Variants in SIM2 observed in about 807,000 individuals in gnomAD.
The protein encoded by SIM2 is SIM bHLH transcription factor 2.
A neutral mutation model predicts 64.8 loss-of-function variants in SIM2; 28 were observed. The ratio of observed to expected loss-of-function variants is 0.43; its 90% confidence interval spans 0.32 to 0.59. SIM2 has a LOEUF of 0.59. Ranked by LOEUF, SIM2 falls within the 20% of genes least tolerant of loss-of-function variation. The pLI, the probability that SIM2 is intolerant of heterozygous loss-of-function variation, is 0.07. For missense variants in SIM2, 847 were observed against 871.4 expected (o/e 0.97, Z 0.35); for synonymous variants, 408 against 391.1 (o/e 1.04, Z -0.51).
chr21:36,745,770 G>A lies in SIM2; in HGVS notation c.1576+634G>A, dbSNP rs1352064697. The stretch of plus-strand genomic sequence containing the variant: ...CATGCTAGTTCAACAGAAAGGAATG[G>A]CCTTTCACCTTCTCCTGGTGGCAGG... On this transcript the variant is annotated intron_variant, in intron 10 of 10. Transcript: ENST00000290399. This position sits in a 1 kb window ranked among gnomAD's most constrained non-coding sequence, Gnocchi z 4.8. The A allele has an allele frequency of 3.8e-6, 5 of 1,302,946 alleles. 1 individual carries two copies. In the South Asian group the frequency reaches 4.9e-5, roughly 13 times the overall value. 80.7% of individuals were successfully genotyped at this position (1,302,946 alleles called of 1,614,324 possible).
Position 36,726,395 on chromosome 21 carries a change from C to A in SIM2, c.743+77C>A. ...GTGGAAATGGGTCCCTGAAAGCTGC[C>A]ATCTTGGCCAAATCATAACAAGGAA... On this transcript the variant is annotated intron_variant, in intron 6 of 10. Coordinates refer to ENST00000290399, the MANE Select transcript of SIM2 (RefSeq NM_005069.6). The surrounding 1 kb of genome is among the most constrained non-coding windows in gnomAD (Gnocchi z 4.5). 1.6e-6 allele frequency: 2 copies of A among 1,285,010 alleles called. No homozygotes were observed. The highest frequency in any genetic ancestry group is 2.2e-6 in the Non-Finnish European group (2 of 916,314). The allele number at this position is 1,285,010 out of a possible 1,614,324, so 79.6% of individuals were successfully genotyped here.
chr21:36,734,718 C>G (rs1046340941), intron 7 of SIM2, among the ~76,000 whole-genome samples: 1 of 152,224 alleles, frequency 6.6e-6, no homozygotes, highest in Non-Finnish European at 1.5e-5. Flanking sequence ...ATGTCACACG[C>G]CTCTCCAAAG....
rs1323862781 is a variant in SIM2, at chr21:36,699,770, G to T, written c.24G>T (p.Ala8=). 1 of 1,612,892 alleles carries T rather than the reference G, an allele frequency of 6.2e-7. No individual in the cohort carries two copies. Among genetic ancestry groups the T allele is most frequent in the Middle Eastern group, 1.7e-4 (1 of 6,058 alleles). ...CGATGAAGGAGAAGTCCAAGAATGC[G>T]GCCAAGACCAGGAGGGAGAAGGAAA... The part of the protein sequence containing the change: MKEKSKN[A]AKTRREKENG... The change falls in exon 1 of 11, where the codon GCG becomes GCT. Residue 8 remains alanine (A), a synonymous_variant. Transcript: ENST00000290399. The surrounding 1 kb of genome is among the most constrained non-coding windows in gnomAD (Gnocchi z 5.6).
intron 7 of SIM2, among the ~76,000 whole-genome samples, chr21:36,738,474 C>T (rs2089105101): frequency 6.6e-6 from 1 of 152,196 alleles, no homozygotes; most frequent in Non-Finnish European, 1.5e-5. Context: ...CACTGCACTC[C>T]AGCCTGGGTG....
rs746744411 is a variant in SIM2 at position 36,709,298 on chromosome 21, T to C, written c.258+48T>C. ...GGAGCGCAGCCGCCGCAGGCTCCCT[T>C]CCCACCCCGCCACCCCAGCCTCCAG... On this transcript the variant is annotated intron_variant, in intron 2 of 10. Transcript: ENST00000290399. The C allele has an allele frequency of 2.8e-6, 4 of 1,447,440 alleles. No individual in the cohort carries two copies. The African/African-American group carries it at 5.6e-5, about 20-fold the overall frequency. 89.7% of individuals were successfully genotyped at this position (1,447,440 alleles called of 1,614,324 possible). A position where few individuals can be genotyped will look rare whatever the true frequency, so the allele number is the denominator to read the frequency against.
intron 7 of SIM2, among the ~76,000 whole-genome samples, chr21:36,737,225 G>A (rs992689348): frequency 2.6e-5 from 4 of 152,120 alleles, no homozygotes; most frequent in East Asian, 1.9e-4. Flanking sequence ...CACCATACCC[G>A]GCCCCAGAAC....
chr21:36,701,058 C>G (rs2088487043), intron 1 of SIM2, among the ~76,000 whole-genome samples: 1 of 152,218 alleles, frequency 6.6e-6, no homozygotes, highest in African/African-American at 2.4e-5. Flanking sequence ...GCCTCTGCTC[C>G]CAGCGGGGTC....
chr21:36,715,904 G>GT (rs11330310), intron 3 of SIM2, among the ~76,000 whole-genome samples: 478 of 149,142 alleles, frequency 3.2e-3, no homozygotes, highest in African/African-American at 9.5e-3. Context: ...TAAAATTTTA[G>GT]TTTTTTTTTT....
intron 7 of SIM2, among the ~76,000 whole-genome samples, chr21:36,731,685 G>A (rs2088970586): frequency 6.6e-6 from 1 of 152,100 alleles, no homozygotes; most frequent in African/African-American, 2.4e-5. Flanking sequence ...GCCTCCGACT[G>A]CTATACCCCA....
chr21:36,733,114 G>A (rs919529715), intron 7 of SIM2, among the ~76,000 whole-genome samples: 1 of 152,228 alleles, frequency 6.6e-6, no homozygotes, highest in African/African-American at 2.4e-5. Context: ...GAATGCTGGG[G>A]AGTTTAAAGC....
intron 7 of SIM2, among the ~76,000 whole-genome samples, chr21:36,732,680 T>C (rs2088987001): frequency 2.0e-5 from 3 of 152,240 alleles, no homozygotes. Context: ...GACCAAATCA[T>C]GATCTCATAA....
At chr21:36,722,668 GC>G (rs2123456842) in intron 4 of SIM2, among the ~76,000 whole-genome samples, 1 of 152,224 alleles carries the variant, frequency 6.6e-6, no homozygotes, top group East Asian at 1.9e-4. Flanking sequence ...GCATGGATCT[GC>G]CAAGCCTTGG....
rs563531929 is a variant in SIM2, at chr21:36,740,491, A to C, written c.851-1226A>C. 6.6e-5 allele frequency among the ~76,000 whole-genome samples: 10 copies of C among 152,214 alleles called. No homozygotes were observed. The South Asian group carries it at 2.1e-3, about 32-fold the overall frequency. Reference sequence around the variant, plus strand: ...CTTTTAGGGTCTTTGTGTTTTTATCAATCTGTACGAACCCCCTATATATTA... The same window carrying C: ...CTTTTAGGGTCTTTGTGTTTTTATCCATCTGTACGAACCCCCTATATATTA... On this transcript the variant is annotated intron_variant, in intron 7 of 10. Transcript: ENST00000290399.
chr21:36,709,351 G>T, intron 2 of SIM2, 101 bp downstream of exon 2: 1 of 974,956 alleles, frequency 1.0e-6, no homozygotes, highest in Middle Eastern at 2.0e-4. Flanking sequence ...GCGCCAGGCA[G>T]ATCCAGAGGC....
chr21:36,723,070 T>C lies in SIM2; in HGVS notation c.483T>C (p.Phe161=). 1 of 1,614,116 alleles carries C rather than the reference T, an allele frequency of 6.2e-7. No homozygotes were observed. The highest frequency in any genetic ancestry group is 8.5e-7 in the Non-Finnish European group (1 of 1,180,020). Residue 161 remains phenylalanine, a synonymous_variant, in exon 5 of 11, where the codon TTT becomes TTC. Transcript: ENST00000290399. The stretch of plus-strand genomic sequence containing the variant: ...AGTATGAGATAGAGAGGTCGTTCTT[T>C]CTTCGAATGAAATGTGTCTTGGCGA... The part of the protein sequence containing the change: ...LQEYEIERSF[F]LRMKCVLAKR...
At chr21:36,737,961 C>CAAA (rs61252184) in intron 7 of SIM2, among the ~76,000 whole-genome samples, 424 of 34,074 alleles carry the variant, frequency 0.012, 35 homozygotes, top group Middle Eastern at 0.033. Flanking sequence ...GACCCTGTCT[C>CAAA]AAAAAAAAAA....
intron 7 of SIM2, among the ~76,000 whole-genome samples, chr21:36,741,275 C>G (rs1400216206): frequency 6.6e-6 from 1 of 152,254 alleles, no homozygotes; most frequent in Non-Finnish European, 1.5e-5. Context: ...CAGCTTGACA[C>G]TTGGTTGAAT....
At chr21:36,738,190 C>T (rs951129460) in intron 7 of SIM2, among the ~76,000 whole-genome samples, 11 of 151,886 alleles carry the variant, frequency 7.2e-5, no homozygotes, top group South Asian at 6.2e-4. Context: ...CACCCCCATA[C>T]GTATTATTCA....
Position 36,726,080 on chromosome 21 carries a change from C to G in SIM2, c.544-39C>G, listed in dbSNP as rs1450908570. On this transcript the variant is annotated intron_variant, in intron 5 of 10. Transcript: ENST00000290399. The surrounding 1 kb of genome is among the most constrained non-coding windows in gnomAD (Gnocchi z 4.5). Reference sequence around the variant, plus strand: ...AGGAGGAGTGGGCTCCAGCCCAACCCCAGTGGCCAGTGGCTGACCCTGCCC... The same window carrying G: ...AGGAGGAGTGGGCTCCAGCCCAACCGCAGTGGCCAGTGGCTGACCCTGCCC... 6.4e-7 allele frequency: 1 copy of G among 1,566,310 alleles called. No homozygotes were observed. The highest frequency in any genetic ancestry group is 8.8e-7 in the Non-Finnish European group (1 of 1,142,258).
Sources: gnomAD v4.1 joint callset for allele counts (sites outside exome capture counted in the v4.1 genomes callset) on GRCh38, gnomAD v4.1.1 for gene constraint, Gnocchi (gnomAD v3.1) non-coding constraint, MANE v1.5 for transcripts, NCBI Gene and HGNC (gene_info 2026-07-23, HGNC 2026-07-21) for gene names.